Variants in CSNK1G2 observed in about 807,000 individuals in gnomAD.
CSNK1G2 encodes casein kinase 1 gamma 2.
CSNK1G2 carries 11 observed loss-of-function variants against 48.0 expected under a neutral mutation model. The observed-to-expected ratio is 0.23, with a 90% CI of 0.14 to 0.38. CSNK1G2 has a LOEUF of 0.38. Among genes scored for constraint, CSNK1G2 ranks in the 10% least tolerant of loss-of-function variants. The probability of loss-of-function intolerance (pLI) is 1.00; values close to 1 mark genes in which losing one functional copy is unlikely to be tolerated. For synonymous variants in CSNK1G2, 337 were observed against 254.1 expected, an observed-to-expected ratio of 1.33 and a Z score of -3.10; for missense variants, 446 against 595.5, an observed-to-expected ratio of 0.75 and a Z score of 2.61.
intron 1 of CSNK1G2, among the ~76,000 whole-genome samples, chr19:1,944,149 C>T (rs964411336): frequency 1.3e-5 from 2 of 152,230 alleles, no homozygotes; most frequent in Admixed American, 6.5e-5. Flanking sequence ...GCTCGGTGGC[C>T]GTGCGCGTGT....
chr19:1,953,256 C>G, intron 1 of CSNK1G2: 2 of 392,950 alleles, frequency 5.1e-6, no homozygotes, highest in South Asian at 1.9e-5. Flanking sequence ...GGACCCCTGC[C>G]CCCCTGGCAA....
chr19:1,943,338 C>G (rs531167799), intron 1 of CSNK1G2, among the ~76,000 whole-genome samples: 1 of 152,178 alleles, frequency 6.6e-6, no homozygotes, highest in Non-Finnish European at 1.5e-5. Context: ...GCCTCATTGC[C>G]TGGGCTCTGG....
In CSNK1G2 at chr19:1,974,968, G is replaced by A. The variant is rs563203542; in HGVS notation, c.188-3337G>A. On this transcript the variant is annotated intron_variant, in intron 2 of 11. Coordinates refer to ENST00000255641, the MANE Select transcript of CSNK1G2 (RefSeq NM_001319.7). ...CCGGAGGAGGCCCCTTTGGCTTTCAGAGCCCAGAGCGCCCGACCTCCTCCA... is the reference window on the plus strand; with the variant it reads ...CCGGAGGAGGCCCCTTTGGCTTTCAAAGCCCAGAGCGCCCGACCTCCTCCA... 4.7e-4 allele frequency: 333 copies of A among 712,132 alleles called. 3 individuals carry two copies. In the African/African-American group the frequency reaches 5.9e-3, roughly 13 times the overall value. The allele number at this position is 712,132 out of a possible 1,614,324, so 44.1% of individuals were successfully genotyped here.
At chr19:1,971,000 G>A (rs2015550199) in intron 2 of CSNK1G2, among the ~76,000 whole-genome samples, 1 of 152,228 alleles carries the variant, frequency 6.6e-6, no homozygotes, top group Non-Finnish European at 1.5e-5. Flanking sequence ...GGCCGCCCAG[G>A]GGCGCAGGAG....
At chr19:1,955,298 C>G (rs1284061309) in intron 1 of CSNK1G2, among the ~76,000 whole-genome samples, 12 of 151,682 alleles carry the variant, frequency 7.9e-5, no homozygotes, top group African/African-American at 2.9e-4. Flanking sequence ...TGACTGCCCT[C>G]CTGCTGCTGC....
rs2015052120 is a variant in CSNK1G2, at chr19:1,957,846, GC to G, written c.-265-11660del. 6.6e-6 allele frequency among the ~76,000 whole-genome samples: 1 copy of G among 151,948 alleles called. No homozygotes were observed. Among genetic ancestry groups the G allele is most frequent in the Non-Finnish European group, 1.5e-5 (1 of 67,956 alleles). On this transcript the variant is annotated intron_variant, in intron 1 of 11. Coordinates refer to ENST00000255641, the MANE Select transcript of CSNK1G2 (RefSeq NM_001319.7). The surrounding 1 kb of genome is among the most constrained non-coding windows in gnomAD (Gnocchi z 5.4). ...TTTGTGGGGTGGGAGCTAGGCGGGCGCCGTTTATGTGGGGTGGGCGCTCGGC... is the reference window on the plus strand; with the variant it reads ...TTTGTGGGGTGGGAGCTAGGCGGGCGCGTTTATGTGGGGTGGGCGCTCGGC...
At chr19:1,953,286 C>T in intron 1 of CSNK1G2, 1 of 467,654 alleles carries the variant, frequency 2.1e-6, no homozygotes, top group South Asian at 1.6e-5. Flanking sequence ...AGCTCTGCCC[C>T]CGGGCCACGG....
At chr19:1,949,730 G>A (rs1016497251) in intron 1 of CSNK1G2, among the ~76,000 whole-genome samples, 1 of 152,220 alleles carries the variant, frequency 6.6e-6, no homozygotes, top group South Asian at 2.1e-4. Context: ...CCCCTGCCGG[G>A]TTTTGGGGAC....
At chr19:1,966,766 C>A (rs902926259) in intron 1 of CSNK1G2, among the ~76,000 whole-genome samples, 1 of 152,198 alleles carries the variant, frequency 6.6e-6, no homozygotes, top group Non-Finnish European at 1.5e-5. Context: ...ACCGCCCCAA[C>A]GAGTCAGCCG....
intron 2 of CSNK1G2, among the ~76,000 whole-genome samples, chr19:1,973,582 T>C (rs1245326090): frequency 6.6e-6 from 1 of 152,238 alleles, no homozygotes; most frequent in African/African-American, 2.4e-5. Context: ...CCCTCAGCCC[T>C]GGCTGTTTTC....
chr19:1,953,278 C>A, intron 1 of CSNK1G2: 1 of 451,112 alleles, frequency 2.2e-6, no homozygotes, highest in East Asian at 6.2e-5. Context: ...ACCAGGTCAG[C>A]TCTGCCCCCG....
chr19:1,961,308 G>A (rs1382751949), intron 1 of CSNK1G2, among the ~76,000 whole-genome samples: 1 of 152,236 alleles, frequency 6.6e-6, no homozygotes, highest in Non-Finnish European at 1.5e-5. Context: ...AGGACTTGAG[G>A]CCGGCTCAGT....
rs1429146893 is a variant in CSNK1G2, at chr19:1,961,637, G to A, written c.-265-7871G>A. ...AAGCGGCACGGCGCCCAGTCCCTGT[G>A]CTGGAAGAGAGATGAGCTGCGGTGG... On this transcript the variant is annotated intron_variant, in intron 1 of 11. Transcript: ENST00000255641. 3.9e-5 allele frequency among the ~76,000 whole-genome samples: 6 copies of A among 152,338 alleles called. No individual in the cohort carries two copies. The East Asian group carries it at 9.7e-4, about 25-fold the overall frequency.
At chr19:1,952,813 A>G (rs117450701) in intron 1 of CSNK1G2, 7,370 of 327,570 alleles carry the variant, frequency 0.022, 167 homozygotes, top group East Asian at 0.074. Flanking sequence ...CCTCTCGCCT[A>G]GGGCTCCCCG....
Position 1,979,518 on chromosome 19 carries a change from T to C in CSNK1G2, c.877T>C (p.Tyr293His). 1 of 1,561,418 alleles carries C rather than the reference T, an allele frequency of 6.4e-7. No homozygotes were observed. Among genetic ancestry groups the C allele is most frequent in the East Asian group, 2.5e-5 (1 of 40,418 alleles). Residue 293 changes from tyrosine to histidine, a missense_variant, in exon 9 of 12, where the codon TAT (tyrosine) becomes CAT (histidine). Tyr to His is a moderately conservative substitution (Grantham distance 83). This residue lies in a region of CSNK1G2 where 188 missense variants were observed against 179.6 expected (regional missense o/e 1.05). Coordinates refer to ENST00000255641, the MANE Select transcript of CSNK1G2 (RefSeq NM_001319.7). ...FPEEMATYLR[Y>H]VRRLDFFEKP... ...AGAGGAGATGGCCACGTACCTGCGC[T>C]ATGTGCGGCGCCTGGACTTCTTCGA...
chr19:1,949,775 C>G lies in CSNK1G2; in HGVS notation c.-266+8357C>G, dbSNP rs142570679. On this transcript the variant is annotated intron_variant, in intron 1 of 11. Coordinates refer to ENST00000255641, the MANE Select transcript of CSNK1G2 (RefSeq NM_001319.7). ...GCACAGCGACGACCACTCCCCTCTT[C>G]CGGTGACTTGGTTTCTCCTGTCCTT... 2.8e-4 allele frequency among the ~76,000 whole-genome samples: 42 copies of G among 152,370 alleles called. No homozygotes were observed. In the East Asian group the frequency reaches 7.7e-3, roughly 28 times the overall value.
At position 1,969,569 on chromosome 19, in the gene CSNK1G2, G is replaced by A; in HGVS notation, c.-204G>A. On this transcript the variant is annotated 5_prime_UTR_variant, in exon 2 of 12. Transcript: ENST00000255641. ...AGCAGAATGTCTCCTGCCCCCGAGA[G>A]CGACCCCGAGGCCACTGAGAAGAGC... 2.5e-6 allele frequency: 1 copy of A among 399,940 alleles called. No individual in the cohort carries two copies. Among genetic ancestry groups the A allele is most frequent in the East Asian group, 3.7e-5 (1 of 27,080 alleles). 24.8% of individuals were successfully genotyped at this position (399,940 alleles called of 1,614,324 possible).
intron 1 of CSNK1G2, among the ~76,000 whole-genome samples, chr19:1,946,031 G>A (rs1194009410): frequency 2.0e-5 from 3 of 152,212 alleles, no homozygotes; most frequent in East Asian, 1.9e-4. Context: ...CTCTTGTTAC[G>A]GCAGATTCCA....
intron 1 of CSNK1G2, chr19:1,954,778 T>C (rs76849411): frequency 0.12 from 18,803 of 152,292 alleles, 1,228 homozygotes; most frequent in South Asian, 0.18. Flanking sequence ...AGCAGCCCCT[T>C]GTGGGATGGC....
Sources: allele counts gnomAD v4.1 joint callset (sites outside exome capture counted in the v4.1 genomes callset), GRCh38; gene constraint gnomAD v4.1.1; regional missense constraint gnomAD v4.1.1; non-coding constraint Gnocchi (gnomAD v3.1); transcripts MANE v1.5; gene names NCBI Gene and HGNC (gene_info 2026-07-23, HGNC 2026-07-21).